HTR1F: variants seen among roughly 807,000 people sequenced by gnomAD.
HTR1F encodes 5-hydroxytryptamine (serotonin) receptor 1F, G protein-coupled.
A neutral mutation model predicts 24.0 loss-of-function variants in HTR1F; 17 were observed. That is an observed-to-expected ratio of 0.71 (90% CI 0.48 to 1.06). HTR1F has a LOEUF of 1.06. Ranked by LOEUF, HTR1F falls within the 50% of genes least tolerant of loss-of-function variation. The probability of loss-of-function intolerance (pLI) is 0.00; values close to 1 mark genes in which losing one functional copy is unlikely to be tolerated. For missense variants in HTR1F, 391 were observed against 427.8 expected (o/e 0.91, Z 0.76); for synonymous variants, 186 against 156.8 (o/e 1.19, Z -1.39).
At chr3:87,864,537 G>C (rs1001938369) in intron 2 of HTR1F, among the ~76,000 whole-genome samples, 4 of 152,142 alleles carry the variant, frequency 2.6e-5, no homozygotes, top group African/African-American at 4.8e-5. Flanking sequence ...TAGAAAGACT[G>C]TAGGTATTCT....
chr3:87,957,324 T>C (rs968026790), intron 2 of HTR1F, among the ~76,000 whole-genome samples: 17 of 151,390 alleles, frequency 1.1e-4, no homozygotes, highest in Admixed American at 9.2e-4. Flanking sequence ...CAGGATATGT[T>C]ATCTTTTATA....
intron 2 of HTR1F, among the ~76,000 whole-genome samples, chr3:87,949,819 C>G (rs1704793551): frequency 6.6e-6 from 1 of 152,170 alleles, no homozygotes; most frequent in African/African-American, 2.4e-5. Flanking sequence ...AAACATAAGA[C>G]AGTGTCACCT....
rs569029877 is a variant in HTR1F, at chr3:87,966,525, C to G, written c.-42-24183C>G. On this transcript the variant is annotated intron_variant, in intron 2 of 2. Transcript: ENST00000319595. ...AAAATAATGGTCTGTCACATGGACACTCTTTGCATTGTGATTTCTTAACCT... is the reference window on the plus strand; with the variant it reads ...AAAATAATGGTCTGTCACATGGACAGTCTTTGCATTGTGATTTCTTAACCT... 2.2e-4 allele frequency among the ~76,000 whole-genome samples: 33 copies of G among 152,262 alleles called. No individual in the cohort carries two copies. In the South Asian group the frequency reaches 5.2e-3, roughly 24 times the overall value.
chr3:87,814,885 T>C (rs1006059623), intron 1 of HTR1F, among the ~76,000 whole-genome samples: 1 of 152,134 alleles, frequency 6.6e-6, no homozygotes, highest in Non-Finnish European at 1.5e-5. Context: ...AAAATTACTC[T>C]TATATAGGAG....
chr3:87,870,720 C>T (rs1417314700), intron 2 of HTR1F, among the ~76,000 whole-genome samples: 14 of 152,010 alleles, frequency 9.2e-5, no homozygotes, highest in Non-Finnish European at 1.3e-4. Context: ...CAAAGGAGAG[C>T]TCTGGAGTTT....
At chr3:87,859,151 T>TG (rs1705264447) in intron 2 of HTR1F, among the ~76,000 whole-genome samples, 1 of 152,192 alleles carries the variant, frequency 6.6e-6, no homozygotes, top group Admixed American at 6.5e-5. Flanking sequence ...TGAGCCAAGA[T>TG]CGTGCCACTG....
Position 87,976,902 on chromosome 3 carries a change from G to C in HTR1F, c.-42-13806G>C, listed in dbSNP as rs148585118. Among the ~76,000 whole-genome samples the C allele has an allele frequency of 6.0e-3, 909 of 152,288 alleles. 10 individuals are homozygous for C. Among genetic ancestry groups the C allele is most frequent in the African/African-American group, 0.021 (875 of 41,540 alleles). On this transcript the variant is annotated intron_variant, in intron 2 of 2. Transcript: ENST00000319595. ...ATATCCAATGTCACTATGGTGTGAA[G>C]TATTTGCCTTGCTTATTACTCAAGG... is the stretch of plus-strand genomic sequence containing the variant.
intron 1 of HTR1F, among the ~76,000 whole-genome samples, chr3:87,796,266 C>A (rs996623436): frequency 3.3e-5 from 5 of 151,958 alleles, no homozygotes; most frequent in Non-Finnish European, 7.4e-5. Flanking sequence ...GGAATTGAGG[C>A]TCATGTCTAG....
At chr3:87,865,918 C>A (rs1332052595) in intron 2 of HTR1F, among the ~76,000 whole-genome samples, 1 of 152,082 alleles carries the variant, frequency 6.6e-6, no homozygotes, top group Non-Finnish European at 1.5e-5. Flanking sequence ...TTAGTTGATA[C>A]TGACAAACAG....
intron 2 of HTR1F, among the ~76,000 whole-genome samples, chr3:87,880,081 G>A (rs1006057000): frequency 3.3e-5 from 5 of 152,078 alleles, no homozygotes; most frequent in African/African-American, 1.2e-4. Flanking sequence ...AAAAAAAGTT[G>A]AAAGACTGTG....
At chr3:87,885,218 G>C (rs896593242) in intron 2 of HTR1F, among the ~76,000 whole-genome samples, 1 of 152,160 alleles carries the variant, frequency 6.6e-6, no homozygotes, top group African/African-American at 2.4e-5. Flanking sequence ...CATGGAAACT[G>C]AACAACCTGC....
intron 2 of HTR1F, among the ~76,000 whole-genome samples, chr3:87,894,165 T>C (rs1706147788): frequency 2.6e-5 from 4 of 152,148 alleles, no homozygotes; most frequent in Admixed American, 2.6e-4. Flanking sequence ...GTAGTCTTTA[T>C]CCCTCATCCT....
intron 2 of HTR1F, among the ~76,000 whole-genome samples, chr3:87,978,907 AG>A (rs1705460809): frequency 9.3e-6 from 1 of 107,332 alleles, no homozygotes; most frequent in Non-Finnish European, 2.0e-5. Flanking sequence ...GAAGGAAGGA[AG>A]GAAGGAAGGA....
At chr3:87,912,091 A>C (rs745962474) in intron 2 of HTR1F, among the ~76,000 whole-genome samples, 1 of 152,090 alleles carries the variant, frequency 6.6e-6, no homozygotes, top group Non-Finnish European at 1.5e-5. Flanking sequence ...GAAAGAATAA[A>C]AGGCATCCAA....
intron 2 of HTR1F, among the ~76,000 whole-genome samples, chr3:87,914,373 C>G (rs1282648098): frequency 6.6e-6 from 1 of 152,150 alleles, no homozygotes; most frequent in Non-Finnish European, 1.5e-5. Context: ...GGGCATGAAT[C>G]CGATATTGCA....
At chr3:87,918,365 G>A (rs1439715248) in intron 2 of HTR1F, among the ~76,000 whole-genome samples, 1 of 152,050 alleles carries the variant, frequency 6.6e-6, no homozygotes, top group Non-Finnish European at 1.5e-5. Context: ...GGAAGTCCTA[G>A]CCAGAGCAAT....
intron 2 of HTR1F, among the ~76,000 whole-genome samples, chr3:87,871,435 A>G (rs1705554527): frequency 6.6e-6 from 1 of 152,056 alleles, no homozygotes. Context: ...GGGAAAATAT[A>G]TACATTACAG....
intron 2 of HTR1F, among the ~76,000 whole-genome samples, chr3:87,959,549 A>G (rs1030023697): frequency 2.0e-5 from 3 of 152,084 alleles, no homozygotes; most frequent in Admixed American, 6.6e-5. Context: ...GGTTTGAAAA[A>G]TACTGTAGTT....
intron 2 of HTR1F, among the ~76,000 whole-genome samples, chr3:87,954,559 T>C (rs1704903741): frequency 6.6e-6 from 1 of 151,670 alleles, no homozygotes. Flanking sequence ...TTCTATAGTA[T>C]AAAGCAAAAG....
Sources: allele counts gnomAD v4.1 joint callset (sites outside exome capture counted in the v4.1 genomes callset), GRCh38; gene constraint gnomAD v4.1.1; transcripts MANE v1.5; gene names NCBI Gene and HGNC (gene_info 2026-07-23, HGNC 2026-07-21).